The following ASIC2 variants were observed in gnomAD, a reference collection of about 807,000 sequenced individuals.
ASIC2 encodes acid sensing ion channel subunit 2.
A neutral mutation model predicts 57.3 loss-of-function variants in ASIC2; 25 were observed. The ratio of observed to expected loss-of-function variants is 0.44; its 90% confidence interval spans 0.32 to 0.61. The LOEUF is 0.61. Ranked by LOEUF, ASIC2 falls within the 20% of genes least tolerant of loss-of-function variation. The probability of loss-of-function intolerance (pLI) is 0.06; values close to 1 mark genes in which losing one functional copy is unlikely to be tolerated. For missense variants in ASIC2, 641 were observed against 738.1 expected, an observed-to-expected ratio of 0.87 and a Z score of 1.52; for synonymous variants, 319 against 307.5, an observed-to-expected ratio of 1.04 and a Z score of -0.39.
chr17:33,283,355 C>G (rs1328332836), intron 1 of ASIC2, among the ~76,000 whole-genome samples: 1 of 152,164 alleles, frequency 6.6e-6, no homozygotes, highest in Admixed American at 6.5e-5. Flanking sequence ...GCATCTGTAC[C>G]ACCTGGGAGC....
chr17:33,478,914 T>G (rs144450982), intron 1 of ASIC2, among the ~76,000 whole-genome samples: 1 of 152,366 alleles, frequency 6.6e-6, no homozygotes, highest in African/African-American at 2.4e-5. Flanking sequence ...AGAAGAAAAC[T>G]TTCATGTTCA....
chr17:33,512,267 A>T (rs746945928), intron 1 of ASIC2, among the ~76,000 whole-genome samples: 1 of 152,324 alleles, frequency 6.6e-6, no homozygotes, highest in East Asian at 1.9e-4. Flanking sequence ...TTTCCTAAAA[A>T]GTCACCTCCA....
At chr17:33,438,521 G>A (rs1911707739) in intron 1 of ASIC2, among the ~76,000 whole-genome samples, 1 of 151,934 alleles carries the variant, frequency 6.6e-6, no homozygotes, top group Admixed American at 6.6e-5. Flanking sequence ...AAGAAAATCA[G>A]TTCAGAATTT....
intron 1 of ASIC2, among the ~76,000 whole-genome samples, chr17:33,687,592 C>A (rs908952043): frequency 2.0e-5 from 3 of 152,148 alleles, no homozygotes; most frequent in Admixed American, 2.0e-4. Context: ...TCCTATTGTG[C>A]CCCAGCCCAC....
intron 1 of ASIC2, among the ~76,000 whole-genome samples, chr17:33,493,092 T>G (rs1913811296): frequency 6.6e-6 from 1 of 152,190 alleles, no homozygotes; most frequent in South Asian, 2.1e-4. Flanking sequence ...AACAAACACT[T>G]GAAGCATAAA....
intron 1 of ASIC2, among the ~76,000 whole-genome samples, chr17:33,263,510 T>C (rs538841564): frequency 6.6e-6 from 1 of 152,220 alleles, no homozygotes; most frequent in Non-Finnish European, 1.5e-5. Context: ...CATCCATATA[T>C]AGCAGCTGCT....
intron 1 of ASIC2, among the ~76,000 whole-genome samples, chr17:33,569,791 C>T (rs1004802558): frequency 6.6e-6 from 1 of 152,188 alleles, no homozygotes; most frequent in Non-Finnish European, 1.5e-5. Context: ...ACCCTTAATT[C>T]ATTTTTAAAG....
intron 1 of ASIC2, among the ~76,000 whole-genome samples, chr17:33,282,588 C>T (rs756905814): frequency 2.0e-5 from 3 of 152,006 alleles, no homozygotes; most frequent in East Asian, 1.9e-4. Flanking sequence ...GATTCTCCTG[C>T]CTCAGCCTCC....
chr17:33,683,169 G>A (rs1274345875), intron 1 of ASIC2, among the ~76,000 whole-genome samples: 1 of 152,136 alleles, frequency 6.6e-6, no homozygotes, highest in Non-Finnish European at 1.5e-5. Context: ...CCGGGTTCAT[G>A]CCATTCTCTT....
chr17:33,420,881 C>T (rs956054927), intron 1 of ASIC2, among the ~76,000 whole-genome samples: 1 of 152,118 alleles, frequency 6.6e-6, no homozygotes, highest in African/African-American at 2.4e-5. Flanking sequence ...ATAAAAGTGG[C>T]ATTAAAGAGA....
At chr17:33,671,887 C>T (rs1907650723) in intron 1 of ASIC2, among the ~76,000 whole-genome samples, 2 of 152,138 alleles carry the variant, frequency 1.3e-5, no homozygotes, top group South Asian at 2.1e-4. Flanking sequence ...GAACCTTGAA[C>T]CTTGTTTAGT....
chr17:34,024,381 T>G (rs114753952), intron 1 of ASIC2, among the ~76,000 whole-genome samples: 190 of 152,352 alleles, frequency 1.2e-3, no homozygotes, highest in African/African-American at 4.3e-3. Flanking sequence ...CCTCTCTCTG[T>G]AGTTACAAGG....
At chr17:34,131,747 G>A (rs750158781) in intron 1 of ASIC2, among the ~76,000 whole-genome samples, 6 of 152,222 alleles carry the variant, frequency 3.9e-5, no homozygotes, top group Admixed American at 2.0e-4. Context: ...TAATCCCACT[G>A]AGACCCAGGG....
chr17:33,442,007 C>T (rs1279012061), intron 1 of ASIC2, among the ~76,000 whole-genome samples: 1 of 152,054 alleles, frequency 6.6e-6, no homozygotes, highest in Non-Finnish European at 1.5e-5. Flanking sequence ...TCCAGTGGTC[C>T]CAGCATTGCT....
At chr17:33,099,601 T>A (rs1334844289) in intron 2 of ASIC2, among the ~76,000 whole-genome samples, 1 of 152,230 alleles carries the variant, frequency 6.6e-6, no homozygotes, top group Non-Finnish European at 1.5e-5. Flanking sequence ...AAAAGATTTA[T>A]CTCAAGCATT....
At chr17:33,704,302 A>G (rs951368820) in intron 1 of ASIC2, among the ~76,000 whole-genome samples, 6 of 152,234 alleles carry the variant, frequency 3.9e-5, no homozygotes, top group Non-Finnish European at 8.8e-5. Flanking sequence ...AGATATTGGT[A>G]TAGGAACAAG....
At chr17:34,018,873 G>GT (rs1467342705) in intron 1 of ASIC2, among the ~76,000 whole-genome samples, 1 of 151,680 alleles carries the variant, frequency 6.6e-6, no homozygotes, top group African/African-American at 2.4e-5. Flanking sequence ...ATGAGGGGTT[G>GT]TTTTTTATAG....
At chr17:33,111,604 T>C (rs1241883325) in intron 2 of ASIC2, among the ~76,000 whole-genome samples, 1 of 152,170 alleles carries the variant, frequency 6.6e-6, no homozygotes, top group African/African-American at 2.4e-5. Context: ...TTCCCGCCTC[T>C]CCTGAAATCA....
chr17:33,694,514 C>G (rs1908469708), intron 1 of ASIC2, among the ~76,000 whole-genome samples: 1 of 152,204 alleles, frequency 6.6e-6, no homozygotes, highest in South Asian at 2.1e-4. Context: ...CTGAGCTACT[C>G]TTCCTCATCT....
Sources: gnomAD v4.1 joint callset for allele counts (sites outside exome capture counted in the v4.1 genomes callset) on GRCh38, gnomAD v4.1.1 for gene constraint, MANE v1.5 for transcripts, NCBI Gene and HGNC (gene_info 2026-07-23, HGNC 2026-07-21) for gene names.